Variants in EPB41L5 observed in about 807,000 individuals in gnomAD.
EPB41L5 encodes band 4.1-like protein 5.
A neutral mutation model predicts 106.6 loss-of-function variants in EPB41L5; 55 were observed. The observed-to-expected ratio is 0.52, with a 90% confidence interval of 0.42 to 0.65. The LOEUF is 0.65. Among genes scored for constraint, EPB41L5 ranks in the 30% least tolerant of loss-of-function variants. The probability of loss-of-function intolerance (pLI) is 0.00; values close to 1 mark genes in which losing one functional copy is unlikely to be tolerated. For synonymous variants in EPB41L5, 297 were observed against 306.7 expected (o/e 0.97, Z 0.33); for missense variants, 871 against 882.1 (o/e 0.99, Z 0.16).
intron 18 of EPB41L5, among the ~76,000 whole-genome samples, chr2:120,134,375 A>G (rs931645843): frequency 1.3e-5 from 2 of 152,308 alleles, no homozygotes; most frequent in Middle Eastern, 3.4e-3. Flanking sequence ...CTGCAGTCTT[A>G]CAGAGAAATG....
rs534390259 is a variant in EPB41L5, at chr2:120,115,581, G to A, written c.1338-12107G>A. Among the ~76,000 whole-genome samples, 80 of 151,808 alleles carry A rather than the reference G, an allele frequency of 5.3e-4. No individual in the cohort carries two copies. In the Middle Eastern group the frequency reaches 0.01, roughly 19 times the overall value. ...TTATTTTTTTATTTTTAGTAGAGAC[G>A]GGGTTTCACCATGTTGGTCAGGCTG... is the stretch of plus-strand genomic sequence containing the variant. On this transcript the variant is annotated intron_variant, in intron 16 of 24. Coordinates refer to ENST00000263713, the MANE Select transcript of EPB41L5 (RefSeq NM_020909.4).
At chr2:120,064,923 C>A (rs2105293888) in intron 3 of EPB41L5, among the ~76,000 whole-genome samples, 1 of 152,218 alleles carries the variant, frequency 6.6e-6, no homozygotes, top group South Asian at 2.1e-4. Flanking sequence ...AGACCTTTCC[C>A]AGAAGAACAT....
chr2:120,033,426 G>A (rs1259180429), intron 2 of EPB41L5, among the ~76,000 whole-genome samples: 2 of 152,072 alleles, frequency 1.3e-5, no homozygotes, highest in Non-Finnish European at 2.9e-5. Context: ...AGTAATTATG[G>A]GCCAGGCATG....
chr2:120,153,831 C>G (rs1686782652), intron 20 of EPB41L5, among the ~76,000 whole-genome samples: 1 of 152,158 alleles, frequency 6.6e-6, no homozygotes, highest in African/African-American at 2.4e-5. Context: ...CTTTTGGTTA[C>G]TATTTGCATT....
chr2:120,049,859 G>A (rs1258644646), intron 3 of EPB41L5, among the ~76,000 whole-genome samples: 3 of 152,086 alleles, frequency 2.0e-5, no homozygotes, highest in Non-Finnish European at 2.9e-5. Context: ...GGCATGCCTC[G>A]TGGTGACAAA....
intron 16 of EPB41L5, among the ~76,000 whole-genome samples, chr2:120,120,053 C>T (rs1274429077): frequency 1.3e-5 from 2 of 152,116 alleles, no homozygotes; most frequent in Non-Finnish European, 2.9e-5. Flanking sequence ...TAAATATGCT[C>T]CACTGTATTT....
At chr2:120,120,277 A>G (rs1300301790) in intron 16 of EPB41L5, among the ~76,000 whole-genome samples, 1 of 151,984 alleles carries the variant, frequency 6.6e-6, no homozygotes, top group Admixed American at 6.6e-5. Flanking sequence ...GAAAATATAA[A>G]TAAAACTAGC....
At position 120,124,137 on chromosome 2, in the gene EPB41L5, G is replaced by C. The variant is rs61469901; in HGVS notation, c.1338-3551G>C. Among the ~76,000 whole-genome samples, 860 of 152,226 alleles carry C rather than the reference G, an allele frequency of 5.6e-3. 4 individuals carry two copies. The highest frequency in any genetic ancestry group is 0.02 in the African/African-American group (827 of 41,526). ...CTTCTCATTAGTGTGTTTTCTCAGA[G>C]GCCATCATAGAACCAGTCACTTCCC... is the stretch of plus-strand genomic sequence containing the variant. On this transcript the variant is annotated intron_variant, in intron 16 of 24. Transcript: ENST00000263713.
chr2:120,144,121 C>A (rs77317265), intron 19 of EPB41L5, among the ~76,000 whole-genome samples: 4,038 of 152,080 alleles, frequency 0.027, 177 homozygotes, highest in African/African-American at 0.093. Context: ...GGTTGCATAC[C>A]CCCGCAAAAT....
At chr2:120,109,988 T>C (rs972663560) in intron 16 of EPB41L5, among the ~76,000 whole-genome samples, 11 of 152,240 alleles carry the variant, frequency 7.2e-5, no homozygotes, top group African/African-American at 2.4e-4. Context: ...AAGTGTCTTG[T>C]TCCGAAAAGA....
At chr2:120,081,251 T>G (rs927930516) in intron 10 of EPB41L5, among the ~76,000 whole-genome samples, 37 of 152,170 alleles carry the variant, frequency 2.4e-4, no homozygotes, top group Non-Finnish European at 2.9e-5. Context: ...GGTCTAACAT[T>G]TAAGTCTTTA....
intron 10 of EPB41L5, among the ~76,000 whole-genome samples, chr2:120,080,442 C>A (rs1054638316): frequency 6.6e-6 from 1 of 152,096 alleles, no homozygotes; most frequent in Non-Finnish European, 1.5e-5. Flanking sequence ...TGAACTCATC[C>A]TTTTTTATGG....
chr2:120,149,042 A>C (rs1414871988), intron 20 of EPB41L5, among the ~76,000 whole-genome samples: 4 of 152,092 alleles, frequency 2.6e-5, no homozygotes, highest in Non-Finnish European at 5.9e-5. Flanking sequence ...CTCCTTGTTT[A>C]TTATACTCAT....
chr2:120,112,898 T>C (rs942011900), intron 16 of EPB41L5, among the ~76,000 whole-genome samples: 40 of 152,304 alleles, frequency 2.6e-4, no homozygotes, highest in African/African-American at 8.2e-4. Context: ...CACAGAACAA[T>C]GAGGCTGGGC....
At chr2:120,130,279 C>T (rs1316724916) in intron 17 of EPB41L5, among the ~76,000 whole-genome samples, 1 of 152,086 alleles carries the variant, frequency 6.6e-6, no homozygotes, top group South Asian at 2.1e-4. Context: ...TTCATATGAC[C>T]TAATCCATTC....
intron 16 of EPB41L5, chr2:120,104,627 A>G: frequency 3.0e-6 from 3 of 988,812 alleles, no homozygotes; most frequent in Non-Finnish European, 3.6e-6. Context: ...CAGACACACT[A>G]AAAACACAGT....
chr2:120,080,770 C>G (rs1434880595), intron 10 of EPB41L5, among the ~76,000 whole-genome samples: 2 of 152,184 alleles, frequency 1.3e-5, no homozygotes, highest in African/African-American at 4.8e-5. Flanking sequence ...CCAGCACCTT[C>G]TGTTTCCTGA....
intron 14 of EPB41L5, among the ~76,000 whole-genome samples, chr2:120,099,256 C>T (rs1397161299): frequency 6.6e-6 from 1 of 150,906 alleles, no homozygotes; most frequent in African/African-American, 2.4e-5. Flanking sequence ...CATTAGGAAA[C>T]TTTTTTTCTC....
intron 1 of EPB41L5, among the ~76,000 whole-genome samples, chr2:120,016,422 C>T (rs562034551): frequency 1.3e-5 from 2 of 151,118 alleles, no homozygotes; most frequent in Admixed American, 1.3e-4. Flanking sequence ...TAGGTTGAGA[C>T]TGTCTCAAAA....
Sources: allele counts gnomAD v4.1 joint callset (sites outside exome capture counted in the v4.1 genomes callset), GRCh38; gene constraint gnomAD v4.1.1; transcripts MANE v1.5; gene names NCBI Gene and HGNC (gene_info 2026-07-23, HGNC 2026-07-21).